Variants in DLC1 observed in about 807,000 individuals in gnomAD.
DLC1 encodes rho GTPase-activating protein 7.
A neutral mutation model predicts 140.3 loss-of-function variants in DLC1; 54 were observed. The ratio of observed to expected loss-of-function variants is 0.38; its 90% CI spans 0.31 to 0.48. The LOEUF is 0.48. Among genes scored for constraint, DLC1 ranks in the 20% least tolerant of loss-of-function variants. The pLI is 0.96. For missense variants in DLC1, 2,536 were observed against 1,907.0 expected (o/e 1.33, Z -6.14); for synonymous variants, 986 against 728.1 (o/e 1.35, Z -5.70).
chr8:13,325,433 G>A (rs2116921618), intron 4 of DLC1, among the ~76,000 whole-genome samples: 1 of 151,564 alleles, frequency 6.6e-6, no homozygotes, highest in South Asian at 2.1e-4. Context: ...ACATGTTCTG[G>A]GACAATAGTT....
intron 1 of DLC1, among the ~76,000 whole-genome samples, chr8:13,538,333 A>G (rs1295126745): frequency 2.6e-5 from 4 of 151,758 alleles, no homozygotes; most frequent in African/African-American, 7.3e-5. Flanking sequence ...TATTTTGGTT[A>G]GTCACTCCCA....
intron 5 of DLC1, among the ~76,000 whole-genome samples, chr8:13,158,058 C>G (rs771002785): frequency 1.3e-5 from 2 of 152,124 alleles, no homozygotes; most frequent in African/African-American, 4.8e-5. Flanking sequence ...AGTTTTAAAG[C>G]CTTCAGATAT....
chr8:13,183,613 T>A lies in DLC1; in HGVS notation c.1349-67956A>T, dbSNP rs530266654. Among the ~76,000 whole-genome samples, 3 of 152,366 alleles carry A rather than the reference T, an allele frequency of 2.0e-5. No homozygotes were observed. In the South Asian group the frequency reaches 6.2e-4, roughly 32 times the overall value. ...CATTGGTTCTGTTTATGTGATGGATTACGTTTATTGATTTGCGTATGTTGA... is the reference window on the plus strand; with the variant it reads ...CATTGGTTCTGTTTATGTGATGGATAACGTTTATTGATTTGCGTATGTTGA... On this transcript the variant is annotated intron_variant, in intron 5 of 17. Transcript: ENST00000276297.
At chr8:13,258,205 A>G (rs1408334268) in intron 5 of DLC1, among the ~76,000 whole-genome samples, 1 of 152,170 alleles carries the variant, frequency 6.6e-6, no homozygotes, top group African/African-American at 2.4e-5. Flanking sequence ...AACTCTTCAG[A>G]TCTTTCAAAT....
At chr8:13,198,448 C>T (rs1172417716) in intron 5 of DLC1, among the ~76,000 whole-genome samples, 1 of 152,138 alleles carries the variant, frequency 6.6e-6, no homozygotes, top group East Asian at 1.9e-4. Flanking sequence ...GGACAGTTTT[C>T]CCGAGTGAAA....
intron 1 of DLC1, among the ~76,000 whole-genome samples, chr8:13,561,230 C>T (rs1264713621): frequency 6.6e-6 from 1 of 151,954 alleles, no homozygotes; most frequent in Non-Finnish European, 1.5e-5. Flanking sequence ...AGCAATCCTC[C>T]TGCCTCAGCC....
chr8:13,298,415 A>G (rs1048532550), intron 5 of DLC1, among the ~76,000 whole-genome samples: 1 of 152,204 alleles, frequency 6.6e-6, no homozygotes, highest in African/African-American at 2.4e-5. Flanking sequence ...AAGCTTTAGA[A>G]TCGTGTTAAC....
intron 1 of DLC1, among the ~76,000 whole-genome samples, chr8:13,588,011 T>G (rs1212690491): frequency 1.3e-5 from 2 of 152,082 alleles, no homozygotes; most frequent in Admixed American, 1.3e-4. Flanking sequence ...TCATTGACCT[T>G]TATTATATAG....
intron 4 of DLC1, among the ~76,000 whole-genome samples, chr8:13,353,042 A>G (rs1327178853): frequency 1.3e-5 from 2 of 152,146 alleles, no homozygotes; most frequent in South Asian, 2.1e-4. Context: ...AATACCATAT[A>G]TATATAGTCC....
At chr8:13,254,852 T>G (rs977200084) in intron 5 of DLC1, among the ~76,000 whole-genome samples, 4 of 152,202 alleles carry the variant, frequency 2.6e-5, no homozygotes, top group African/African-American at 9.7e-5. Flanking sequence ...TAACAAATAC[T>G]CAGAAGGCAC....
intron 2 of DLC1, among the ~76,000 whole-genome samples, chr8:13,489,239 G>A (rs533986809): frequency 6.6e-6 from 1 of 152,230 alleles, no homozygotes; most frequent in African/African-American, 2.4e-5. Flanking sequence ...GAGCCACCGT[G>A]CCTGGCCAGT....
intron 4 of DLC1, among the ~76,000 whole-genome samples, chr8:13,337,117 G>A (rs751925407): frequency 1.9e-4 from 29 of 152,092 alleles, no homozygotes; most frequent in Non-Finnish European, 3.7e-4. Flanking sequence ...TAGCATAGAC[G>A]TAAATTCCAG....
chr8:13,574,112 A>G (rs936074438), intron 1 of DLC1, among the ~76,000 whole-genome samples: 1 of 152,146 alleles, frequency 6.6e-6, no homozygotes, highest in Non-Finnish European at 1.5e-5. Flanking sequence ...TGTTCTGAGT[A>G]GCTGTTTTCT....
intron 5 of DLC1, among the ~76,000 whole-genome samples, chr8:13,188,844 T>TATATATATGTATATA (rs1491498157): frequency 6.6e-4 from 17 of 25,814 alleles, no homozygotes; most frequent in South Asian, 1.4e-3. Flanking sequence ...TATATATATA[T>TATATATATGTATATA]TTTTTTTTTT....
chr8:13,370,350 T>G (rs1045137071), intron 4 of DLC1, among the ~76,000 whole-genome samples: 1 of 152,218 alleles, frequency 6.6e-6, no homozygotes, highest in South Asian at 2.1e-4. Context: ...CAGTAGGTGT[T>G]TGATGAGCAT....
At chr8:13,352,762 G>T (rs562257843) in intron 4 of DLC1, among the ~76,000 whole-genome samples, 1 of 152,008 alleles carries the variant, frequency 6.6e-6, no homozygotes, top group African/African-American at 2.4e-5. Flanking sequence ...TTTTGGAGAG[G>T]AAGAATCGTT....
chr8:13,477,970 A>G lies in DLC1; in HGVS notation c.1023+21079T>C, dbSNP rs544064863. On this transcript the variant is annotated intron_variant, in intron 2 of 17. Transcript: ENST00000276297. ...GAATCCCTGTAATTAGTATTTTCAG[A>G]GAGATTTGAGAAAATATTACATTTG... Among the ~76,000 whole-genome samples, 5 of 152,360 alleles carry G rather than the reference A, an allele frequency of 3.3e-5. No homozygotes were observed. The South Asian group carries it at 1.0e-3, about 32-fold the overall frequency.
chr8:13,516,102 T>A (rs1003280145), upstream of DLC1, among the ~76,000 whole-genome samples: 1 of 152,190 alleles, frequency 6.6e-6, no homozygotes, highest in Non-Finnish European at 1.5e-5. Context: ...GGCTCAGTCA[T>A]GTCTCCCTTC....
chr8:13,259,158 A>G (rs1010411406), intron 5 of DLC1, among the ~76,000 whole-genome samples: 28 of 150,992 alleles, frequency 1.9e-4, no homozygotes, highest in East Asian at 3.9e-4. Context: ...AAAAAAAAAA[A>G]AGAGAAAATC....
Sources: allele counts gnomAD v4.1 joint callset (sites outside exome capture counted in the v4.1 genomes callset), GRCh38; gene constraint gnomAD v4.1.1; transcripts MANE v1.5; gene names NCBI Gene and HGNC (gene_info 2026-07-23, HGNC 2026-07-21).